IQCK: variants seen among roughly 807,000 people sequenced by gnomAD.
IQCK encodes IQ domain-containing protein K.
In IQCK, 29 loss-of-function variants were observed where a neutral mutation model predicts 28.1. The observed-to-expected ratio is 1.03, with a 90% confidence interval of 0.77 to 1.41. The LOEUF (loss-of-function observed/expected upper bound fraction) is 1.41. Ranked by LOEUF, IQCK falls within the 40% of genes most tolerant of loss-of-function variation. IQCK has a pLI of 0.00. For synonymous variants in IQCK, 113 were observed against 115.1 expected (o/e 0.98, Z 0.12); for missense variants, 359 against 314.7 (o/e 1.14, Z -1.07).
intron 4 of IQCK, among the ~76,000 whole-genome samples, chr16:19,741,858 G>A (rs1480653127): frequency 6.6e-6 from 1 of 152,044 alleles, no homozygotes; most frequent in East Asian, 1.9e-4. Context: ...GTGGTTGCAG[G>A]CACCTGTAAT....
intron 7 of IQCK, among the ~76,000 whole-genome samples, chr16:19,812,615 A>C (rs533561904): frequency 6.6e-6 from 1 of 152,308 alleles, no homozygotes; most frequent in South Asian, 2.1e-4. Context: ...CCTGGATAAG[A>C]GATATGATTT....
At chr16:19,833,394 G>C (rs1343572611) in intron 9 of IQCK, among the ~76,000 whole-genome samples, 1 of 152,136 alleles carries the variant, frequency 6.6e-6, no homozygotes, top group Non-Finnish European at 1.5e-5. Context: ...GTGAATCATG[G>C]CCTCAAAAAT....
chr16:19,776,297 C>G (rs374940237), intron 6 of IQCK, among the ~76,000 whole-genome samples: 2 of 152,164 alleles, frequency 1.3e-5, no homozygotes, highest in African/African-American at 2.4e-5. Flanking sequence ...GCTGCAGAGT[C>G]TATGCACTGT....
chr16:19,848,911 TATTTCTGTGA>T (rs2056445178), intron 9 of IQCK, among the ~76,000 whole-genome samples: 1 of 152,140 alleles, frequency 6.6e-6, no homozygotes, highest in South Asian at 2.1e-4. Context: ...ATTTCATAAT[TATTTCTGTGA>T]ATGGTCACCC....
intron 6 of IQCK, among the ~76,000 whole-genome samples, chr16:19,774,894 GAGAA>G: frequency 6.6e-6 from 1 of 152,168 alleles, no homozygotes; most frequent in Middle Eastern, 3.2e-3. Flanking sequence ...GAGAAGAAGA[GAGAA>G]AGACAGAGAA....
chr16:19,852,741 G>A (rs1734182828), intron 9 of IQCK, among the ~76,000 whole-genome samples: 1 of 150,662 alleles, frequency 6.6e-6, no homozygotes, highest in Admixed American at 6.7e-5. Context: ...TCCTGCCTCA[G>A]CCTCCCGAGT....
intron 3 of IQCK, among the ~76,000 whole-genome samples, chr16:19,734,959 C>T (rs764209260): frequency 3.9e-5 from 6 of 152,006 alleles, no homozygotes; most frequent in South Asian, 2.1e-4. Flanking sequence ...CCTTGGCTAA[C>T]GACTGCCTTT....
At chr16:19,822,083 AC>A (rs142885904) in intron 7 of IQCK, among the ~76,000 whole-genome samples, 59 of 134,910 alleles carry the variant, frequency 4.4e-4, no homozygotes, top group South Asian at 1.4e-3. Context: ...AAAAAAAAAA[AC>A]AAAAAAAAAA....
intron 6 of IQCK, among the ~76,000 whole-genome samples, chr16:19,786,839 TGGAG>T (rs2055569990): frequency 3.3e-5 from 1 of 30,600 alleles, no homozygotes; most frequent in Admixed American, 3.9e-4. Context: ...GGAGGGGGGA[TGGAG>T]GGAAGGAAGG....
rs541958533 is a variant in IQCK at position 19,730,245 on chromosome 16, C to T, written c.182-185C>T. 2.6e-3 allele frequency among the ~76,000 whole-genome samples: 392 copies of T among 152,280 alleles called. 1 individual carries two copies. The highest frequency in any genetic ancestry group is 3.7e-3 in the Admixed American group (56 of 15,290). On this transcript the variant is annotated intron_variant, in intron 1 of 7. Transcript: ENST00000564186. ...TGCTGGGATTACAGGTGTGAGCCACCGCACCCGGCCTCTTGCTGATTTTAA... is the reference window on the plus strand; with the variant it reads ...TGCTGGGATTACAGGTGTGAGCCACTGCACCCGGCCTCTTGCTGATTTTAA...
At chr16:19,727,132 A>G (rs2151676289) in intron 1 of IQCK, among the ~76,000 whole-genome samples, 2 of 144,470 alleles carry the variant, frequency 1.4e-5, no homozygotes, top group South Asian at 4.3e-4. Context: ...CTCGGTCTCA[A>G]AAAAAAAAAA....
downstream of IQCK, among the ~76,000 whole-genome samples, chr16:19,829,832 A>T (rs1415435194): frequency 1.3e-5 from 2 of 152,184 alleles, no homozygotes; most frequent in East Asian, 3.8e-4. Context: ...CATTAAATGC[A>T]ATTACTTTTG....
At chr16:19,725,425 G>A (rs565636226) in intron 1 of IQCK, among the ~76,000 whole-genome samples, 16 of 152,206 alleles carry the variant, frequency 1.1e-4, no homozygotes, top group Middle Eastern at 6.8e-3. Context: ...TTGAACTCCC[G>A]GGCTCCAACA....
intron 7 of IQCK, among the ~76,000 whole-genome samples, chr16:19,799,640 A>ACACACACC (rs1472985923): frequency 1.8e-5 from 2 of 111,800 alleles, no homozygotes; most frequent in African/African-American, 9.2e-5. Context: ...ACACACACAC[A>ACACACACC]CCCAGTGAAT....
chr16:19,766,590 A>G (rs2055241429), intron 6 of IQCK, among the ~76,000 whole-genome samples: 1 of 152,228 alleles, frequency 6.6e-6, no homozygotes, highest in South Asian at 2.1e-4. Flanking sequence ...CCTTGGCACT[A>G]TTGACATTTA....
intron 1 of IQCK, among the ~76,000 whole-genome samples, chr16:19,729,358 G>A (rs985801236): frequency 4.6e-5 from 7 of 151,570 alleles, no homozygotes; most frequent in Admixed American, 6.6e-5. Context: ...CACCCTCCTC[G>A]GCCTCCCAAA....
intron 4 of IQCK, among the ~76,000 whole-genome samples, chr16:19,747,683 C>G (rs868392867): frequency 2.6e-5 from 4 of 152,166 alleles, no homozygotes; most frequent in African/African-American, 9.7e-5. Flanking sequence ...TCATTCCACT[C>G]TATCCATCTG....
intron 9 of IQCK, among the ~76,000 whole-genome samples, chr16:19,853,024 T>C (rs2056506495): frequency 6.6e-6 from 1 of 152,190 alleles, no homozygotes; most frequent in African/African-American, 2.4e-5. Context: ...AATTGGTTTA[T>C]CCAGTCAACT....
At chr16:19,736,930 C>T (rs1475449901) in intron 4 of IQCK, among the ~76,000 whole-genome samples, 1 of 149,766 alleles carries the variant, frequency 6.7e-6, no homozygotes, top group Admixed American at 6.7e-5. Flanking sequence ...GAAGGATTGT[C>T]TGAGCCCAGG....
Sources: allele counts gnomAD v4.1 joint callset (sites outside exome capture counted in the v4.1 genomes callset), GRCh38; gene constraint gnomAD v4.1.1; transcripts MANE v1.5; gene names NCBI Gene and HGNC (gene_info 2026-07-23, HGNC 2026-07-21).